Variants in PIBF1 observed in about 807,000 individuals in gnomAD.
PIBF1 encodes the protein progesterone-induced-blocking factor 1.
In PIBF1, 90 loss-of-function variants were observed where a neutral mutation model predicts 112.5. The observed-to-expected ratio is 0.80, with a 90% confidence interval of 0.67 to 0.95. The LOEUF (loss-of-function observed/expected upper bound fraction) is 0.95, where lower values mean the gene tolerates loss of function less well. PIBF1 is among the 40% of genes least tolerant of loss of function. The pLI, the probability that PIBF1 is intolerant of heterozygous loss-of-function variation, is 0.00. For missense variants in PIBF1, 915 were observed against 852.3 expected (o/e 1.07, Z -0.92); for synonymous variants, 301 against 288.6 (o/e 1.04, Z -0.44).
chr13:72,944,997 C>T (rs910127956), intron 14 of PIBF1, among the ~76,000 whole-genome samples: 1 of 152,066 alleles, frequency 6.6e-6, no homozygotes, highest in Non-Finnish European at 1.5e-5. Context: ...CTACTGTCAC[C>T]CAGGTAGTGA....
chr13:72,786,782 A>C (rs187852473), intron 2 of PIBF1, among the ~76,000 whole-genome samples: 1 of 152,208 alleles, frequency 6.6e-6, no homozygotes, highest in Non-Finnish European at 1.5e-5. Context: ...TTTTTTCTCT[A>C]TCATACGAGC....
At chr13:72,867,945 T>A (rs950103318) in intron 10 of PIBF1, among the ~76,000 whole-genome samples, 3 of 152,236 alleles carry the variant, frequency 2.0e-5, no homozygotes, top group Non-Finnish European at 1.5e-5. Context: ...CATGTAATGA[T>A]GCCTATGGTT....
intron 11 of PIBF1, among the ~76,000 whole-genome samples, chr13:72,907,615 T>TCA (rs948998403): frequency 3.9e-5 from 6 of 152,122 alleles, no homozygotes; most frequent in African/African-American, 7.2e-5. Context: ...TTGCCTAAGA[T>TCA]CACAGCTAGT....
chr13:73,002,276 TTAAAG>T (rs1262687055), intron 17 of PIBF1, among the ~76,000 whole-genome samples: 2 of 152,194 alleles, frequency 1.3e-5, no homozygotes, highest in Admixed American at 6.5e-5. Context: ...AACTTTAATG[TTAAAG>T]TAAACTACAG....
At chr13:72,963,524 G>A (rs1408342836) in intron 14 of PIBF1, among the ~76,000 whole-genome samples, 2 of 152,128 alleles carry the variant, frequency 1.3e-5, no homozygotes, top group Non-Finnish European at 2.9e-5. Flanking sequence ...AATCCAGGAG[G>A]CGGAGGTTGC....
chr13:72,808,612 T>C (rs945532128), intron 5 of PIBF1, among the ~76,000 whole-genome samples: 1 of 152,184 alleles, frequency 6.6e-6, no homozygotes, highest in African/African-American at 2.4e-5. Flanking sequence ...TTTGGTATTA[T>C]TGGGGCTGCT....
At chr13:72,946,025 G>T (rs2042139716) in intron 14 of PIBF1, among the ~76,000 whole-genome samples, 1 of 152,054 alleles carries the variant, frequency 6.6e-6, no homozygotes, top group African/African-American at 2.4e-5. Flanking sequence ...CCTGAAAGAA[G>T]CTCTCCAACT....
intron 14 of PIBF1, among the ~76,000 whole-genome samples, chr13:72,933,639 G>A (rs1253681861): frequency 2.6e-5 from 4 of 152,208 alleles, no homozygotes; most frequent in African/African-American, 9.7e-5. Flanking sequence ...TCCAGCCTGG[G>A]CAACAGAGGG....
chr13:72,844,865 G>T (rs917856442), intron 9 of PIBF1, among the ~76,000 whole-genome samples: 2 of 142,896 alleles, frequency 1.4e-5, no homozygotes, highest in Non-Finnish European at 3.0e-5. Flanking sequence ...GATCCTCCCC[G>T]CCGACCTCAG....
chr13:72,850,110 G>A (rs1266117649), intron 9 of PIBF1, among the ~76,000 whole-genome samples: 1 of 152,194 alleles, frequency 6.6e-6, no homozygotes, highest in African/African-American at 2.4e-5. Flanking sequence ...TTTTGCTAAA[G>A]AATGCAGGTT....
chr13:72,948,549 C>T (rs932517466), intron 14 of PIBF1, among the ~76,000 whole-genome samples: 4 of 152,228 alleles, frequency 2.6e-5, no homozygotes, highest in African/African-American at 7.2e-5. Flanking sequence ...GCCTGTTACT[C>T]GGTTCCAAAG....
intron 9 of PIBF1, among the ~76,000 whole-genome samples, chr13:72,852,226 T>C (rs1266242833): frequency 6.6e-6 from 1 of 152,166 alleles, no homozygotes; most frequent in African/African-American, 2.4e-5. Flanking sequence ...AGGAGCTCCC[T>C]GAGCAAGGGC....
intron 12 of PIBF1, among the ~76,000 whole-genome samples, chr13:72,915,063 T>C (rs965224014): frequency 1.3e-5 from 2 of 152,184 alleles, no homozygotes; most frequent in African/African-American, 2.4e-5. Context: ...ACAACTATTA[T>C]ATATAGCATG....
chr13:72,960,242 T>A (rs1481820037), intron 14 of PIBF1, among the ~76,000 whole-genome samples: 1 of 152,166 alleles, frequency 6.6e-6, no homozygotes, highest in Non-Finnish European at 1.5e-5. Flanking sequence ...CCCTTAACTT[T>A]GTTTATAATA....
chr13:72,792,641 T>C (rs777819125), intron 3 of PIBF1, 94 bp downstream of exon 3: 2 of 635,800 alleles, frequency 3.1e-6, no homozygotes, highest in Non-Finnish European at 5.3e-6. Flanking sequence ...TAAGCTAAAA[T>C]AGAGAAATTT....
At chr13:72,971,206 ATGTGT>A (rs2042883019) in intron 15 of PIBF1, among the ~76,000 whole-genome samples, 1 of 93,578 alleles carries the variant, frequency 1.1e-5, no homozygotes, top group Non-Finnish European at 2.3e-5. Context: ...GTGTGTGTGT[ATGTGT>A]GTGTGTGTGT....
chr13:72,890,133 A>C (rs554730186), intron 10 of PIBF1, among the ~76,000 whole-genome samples: 53 of 152,300 alleles, frequency 3.5e-4, no homozygotes, highest in African/African-American at 1.2e-3. Flanking sequence ...AAAGACTGCC[A>C]ATGTAAATTT....
chr13:72,891,574 A>G (rs137927995), intron 10 of PIBF1, among the ~76,000 whole-genome samples: 1 of 152,232 alleles, frequency 6.6e-6, no homozygotes, highest in African/African-American at 2.4e-5. Flanking sequence ...GTTGTTAAGA[A>G]TGTGGAGAAA....
Position 72,904,433 on chromosome 13 carries a change from C to CTTTTTTTTTTTTTTTTT in PIBF1, c.1489-4089_1489-4073dup, listed in dbSNP as rs71099767. Among the ~76,000 whole-genome samples, 225 of 36,556 alleles carry CTTTTTTTTTTTTTTTTT rather than the reference C, an allele frequency of 6.2e-3. 50 individuals carry two copies. Among genetic ancestry groups the CTTTTTTTTTTTTTTTTT allele is most frequent in the African/African-American group, 0.012 (111 of 8,918 alleles). The allele number at this position is 36,556 out of a possible 152,430, so 24.0% of individuals were successfully genotyped here. A position where few individuals can be genotyped will look rare whatever the true frequency, so the allele number is the denominator to read the frequency against. ...ATTTATCCAAAATATCAAAATATTT[C>CTTTTTTTTTTTTTTTTT]TTTTTTTTTTTTTTTTTTTTTTTTT... On this transcript the variant is annotated intron_variant, in intron 11 of 17. Transcript: ENST00000326291.
Sources: allele counts gnomAD v4.1 joint callset (sites outside exome capture counted in the v4.1 genomes callset), GRCh38; gene constraint gnomAD v4.1.1; transcripts MANE v1.5; gene names NCBI Gene and HGNC (gene_info 2026-07-23, HGNC 2026-07-21).